TBC1D22B: variants seen among roughly 807,000 people sequenced by gnomAD.
TBC1D22B encodes chromosome 6 open reading frame 197.
Under a neutral mutation model 69.1 loss-of-function variants are expected in TBC1D22B, and 32 were observed. The observed-to-expected ratio is 0.46, with a 90% CI of 0.35 to 0.62. The LOEUF (loss-of-function observed/expected upper bound fraction) is 0.62, where lower values mean the gene tolerates loss of function less well. Ranked by LOEUF, TBC1D22B falls within the 20% of genes least tolerant of loss-of-function variation. TBC1D22B has a pLI of 0.00. For synonymous variants in TBC1D22B, 206 were observed against 229.8 expected, an observed-to-expected ratio of 0.90 and a Z score of 0.94; for missense variants, 462 against 630.9, an observed-to-expected ratio of 0.73 and a Z score of 2.87.
chr6:37,278,118 C>T (rs1766721256), intron 2 of TBC1D22B, among the ~76,000 whole-genome samples: 1 of 152,134 alleles, frequency 6.6e-6, no homozygotes, highest in Non-Finnish European at 1.5e-5. Context: ...GGTGACAGAG[C>T]AAGGCCCTGA....
At chr6:37,321,253 C>T (rs1192172938) in intron 12 of TBC1D22B, among the ~76,000 whole-genome samples, 2 of 151,836 alleles carry the variant, frequency 1.3e-5, no homozygotes, top group African/African-American at 2.4e-5. Context: ...TGATAGAGGC[C>T]TGGAATCCAC....
intron 8 of TBC1D22B, among the ~76,000 whole-genome samples, chr6:37,310,705 TTA>T (rs1233652660): frequency 6.6e-6 from 1 of 152,218 alleles, no homozygotes; most frequent in Non-Finnish European, 1.5e-5. Flanking sequence ...AAATTGATCT[TTA>T]TATGCTATCT....
chr6:37,322,799 C>CA (rs1416189109), intron 12 of TBC1D22B, among the ~76,000 whole-genome samples: 1 of 152,110 alleles, frequency 6.6e-6, no homozygotes, highest in African/African-American at 2.4e-5. Context: ...GTCAGTGCAG[C>CA]ACCACATAAT....
At chr6:37,290,010 G>C (rs953182044) in intron 7 of TBC1D22B, among the ~76,000 whole-genome samples, 2 of 152,210 alleles carry the variant, frequency 1.3e-5, no homozygotes, top group Non-Finnish European at 2.9e-5. Context: ...CCGTTTCTCA[G>C]CTCTGTTTGC....
chr6:37,261,956 T>A (rs1583517279), intron 1 of TBC1D22B, among the ~76,000 whole-genome samples: 1 of 14,950 alleles, frequency 6.7e-5, no homozygotes, highest in African/African-American at 3.9e-4. Context: ...TGTGTGTGTG[T>A]GTGTGTGTGT....
chr6:37,293,140 T>C (rs1767245516), intron 8 of TBC1D22B, among the ~76,000 whole-genome samples: 1 of 151,492 alleles, frequency 6.6e-6, no homozygotes, highest in African/African-American at 2.4e-5. Flanking sequence ...TGCAGTGGCG[T>C]GATCTCGGCT....
At chr6:37,280,302 T>C (rs1341486512) in intron 3 of TBC1D22B, among the ~76,000 whole-genome samples, 1 of 152,192 alleles carries the variant, frequency 6.6e-6, no homozygotes, top group Non-Finnish European at 1.5e-5. Context: ...TTATAAAGTA[T>C]GTTGGGAGCT....
chr6:37,291,470 G>A (rs1767181305), intron 8 of TBC1D22B, 113 bp downstream of exon 8: 1 of 739,924 alleles, frequency 1.4e-6, no homozygotes. Context: ...AGAAAATAGA[G>A]AGTGCCTTTG....
chr6:37,328,634 G>T (rs1025616901), intron 12 of TBC1D22B, among the ~76,000 whole-genome samples: 1 of 152,190 alleles, frequency 6.6e-6, no homozygotes, highest in Non-Finnish European at 1.5e-5. Context: ...TGTAAAATAT[G>T]TAGGAAAAGG....
chr6:37,270,129 G>A (rs1766437766), intron 2 of TBC1D22B, among the ~76,000 whole-genome samples: 1 of 152,160 alleles, frequency 6.6e-6, no homozygotes, highest in Admixed American at 6.5e-5. Context: ...CACACTCAAA[G>A]AGACCCAGGC....
chr6:37,276,517 C>G (rs1766678036), intron 2 of TBC1D22B, among the ~76,000 whole-genome samples: 1 of 152,204 alleles, frequency 6.6e-6, no homozygotes, highest in South Asian at 2.1e-4. Flanking sequence ...TTTCTCCCTT[C>G]TTTCTTCTTC....
At chr6:37,280,722 A>G (rs1250209774) in intron 3 of TBC1D22B, among the ~76,000 whole-genome samples, 1 of 152,210 alleles carries the variant, frequency 6.6e-6, no homozygotes, top group East Asian at 1.9e-4. Context: ...TCCTGCCGGC[A>G]TCTGTCTGTA....
intron 12 of TBC1D22B, among the ~76,000 whole-genome samples, chr6:37,327,053 G>A (rs1004361415): frequency 1.3e-5 from 2 of 152,116 alleles, no homozygotes; most frequent in African/African-American, 2.4e-5. Context: ...CAGTTGTTGT[G>A]GGATAGGGAC....
At chr6:37,314,582 G>C (rs1264431627) in intron 10 of TBC1D22B, among the ~76,000 whole-genome samples, 1 of 152,194 alleles carries the variant, frequency 6.6e-6, no homozygotes, top group East Asian at 1.9e-4. Context: ...AACTCAGGAA[G>C]CTCTGCTGTT....
intron 8 of TBC1D22B, among the ~76,000 whole-genome samples, chr6:37,307,687 T>C (rs1313209641): frequency 1.3e-5 from 2 of 152,204 alleles, no homozygotes; most frequent in African/African-American, 4.8e-5. Flanking sequence ...GGTATTCTTA[T>C]GAGTCCGGTT....
chr6:37,298,012 A>C (rs1315918473), intron 8 of TBC1D22B, among the ~76,000 whole-genome samples: 2 of 152,170 alleles, frequency 1.3e-5, no homozygotes, highest in African/African-American at 2.4e-5. Context: ...ACATGGACAC[A>C]GGGAGGGGAA....
intron 1 of TBC1D22B, among the ~76,000 whole-genome samples, chr6:37,267,678 A>G (rs1766352760): frequency 6.6e-6 from 1 of 151,468 alleles, no homozygotes. Flanking sequence ...TTGGCTCCCT[A>G]CCATGAGTAA....
chr6:37,301,732 C>T (rs529495401), intron 8 of TBC1D22B, among the ~76,000 whole-genome samples: 1 of 152,324 alleles, frequency 6.6e-6, no homozygotes, highest in South Asian at 2.1e-4. Context: ...GGCCAGCAAG[C>T]ATCATTTTTT....
chr6:37,304,846 A>G (rs545058468), intron 8 of TBC1D22B, among the ~76,000 whole-genome samples: 2 of 152,334 alleles, frequency 1.3e-5, no homozygotes, highest in African/African-American at 4.8e-5. Context: ...TCAACTGAAA[A>G]AACAGATATT....
Sources: allele counts gnomAD v4.1 joint callset (sites outside exome capture counted in the v4.1 genomes callset), GRCh38; gene constraint gnomAD v4.1.1; transcripts MANE v1.5; gene names NCBI Gene and HGNC (gene_info 2026-07-23, HGNC 2026-07-21).